The following WDR27 variants were observed in gnomAD, a reference collection of about 807,000 sequenced individuals.
The protein encoded by WDR27 is WD repeat-containing protein 27.
WDR27 carries 100 observed loss-of-function variants against 114.4 expected under a neutral mutation model. That is an observed-to-expected ratio of 0.87 (90% CI 0.74 to 1.03). The LOEUF is 1.03. Among genes scored for constraint, WDR27 ranks in the 50% least tolerant of loss-of-function variants. The pLI, the probability that WDR27 is intolerant of heterozygous loss-of-function variation, is 0.00. For missense variants in WDR27, 1,129 were observed against 1,092.9 expected (o/e 1.03, Z -0.47); for synonymous variants, 449 against 423.1 (o/e 1.06, Z -0.75).
At position 169,586,247 on chromosome 6, in the gene WDR27, T is replaced by A. The variant is rs556835018; in HGVS notation, c.2425-3313A>T. On this transcript the variant is annotated intron_variant, in intron 23 of 25. Transcript: ENST00000448612. Reference sequence around the variant, plus strand: ...TTTCCTTGATTGGCCCTGTCATAAATCCCGTGAGGTCATGCACAACTCTGG... The same window carrying A: ...TTTCCTTGATTGGCCCTGTCATAAAACCCGTGAGGTCATGCACAACTCTGG... Among the ~76,000 whole-genome samples the A allele has an allele frequency of 5.3e-5, 8 of 152,310 alleles. No homozygotes were observed. The South Asian group carries it at 1.7e-3, about 32-fold the overall frequency.
intron 23 of WDR27, among the ~76,000 whole-genome samples, chr6:169,590,915 G>A (rs1805635169): frequency 6.6e-6 from 1 of 152,170 alleles, no homozygotes; most frequent in South Asian, 2.1e-4. Flanking sequence ...CTTCCACACT[G>A]TGGATACTGT....
chr6:169,639,062 A>G (rs1188750698), intron 17 of WDR27, among the ~76,000 whole-genome samples: 554 of 96,554 alleles, frequency 5.7e-3, no homozygotes, highest in Middle Eastern at 0.027. Flanking sequence ...GTGTGGTGCT[A>G]GGGTTTGGGG....
At chr6:169,564,447 C>T (rs193160693) in intron 25 of WDR27, among the ~76,000 whole-genome samples, 25 of 152,322 alleles carry the variant, frequency 1.6e-4, no homozygotes, top group Admixed American at 6.5e-4. Context: ...CAAGTTGGCA[C>T]GTGGTATTCA....
At chr6:169,632,318 A>T (rs922324509) in intron 21 of WDR27, among the ~76,000 whole-genome samples, 1 of 152,202 alleles carries the variant, frequency 6.6e-6, no homozygotes, top group African/African-American at 2.4e-5. Context: ...TGCCAGATGC[A>T]TCGTAAGTTA....
chr6:169,581,511 T>C (rs1803418809), intron 24 of WDR27, among the ~76,000 whole-genome samples: 2 of 152,184 alleles, frequency 1.3e-5, no homozygotes, highest in Non-Finnish European at 1.5e-5. Context: ...TCCGTTACAG[T>C]GTATATGGCA....
rs1260401741 is a variant in WDR27, at chr6:169,638,340, A to AAAAAAG, written c.1869+198_1869+199insCTTTTT. On this transcript the variant is annotated intron_variant, in intron 18 of 25. Coordinates refer to ENST00000448612, the MANE Select transcript of WDR27 (RefSeq NM_182552.5). The stretch of plus-strand genomic sequence containing the variant: ...TCCGTCTCAAAAAAAAAAAAAAAAA[A>AAAAAAG]AAAAAAAAAAAGAAACTAATCAATA... Among the ~76,000 whole-genome samples, 6,749 of 140,072 alleles carry AAAAAAG rather than the reference A, an allele frequency of 0.048. 1,511 individuals carry two copies. The East Asian group carries it at 0.56, about 12-fold the overall frequency. The allele number at this position is 140,072 out of a possible 152,430, so 91.9% of individuals were successfully genotyped here.
In WDR27 at chr6:169,684,668, C is replaced by T. The variant is rs192291917; in HGVS notation, c.189+4149G>A. ...GACTGAGAAGCAGTCCTGTGGGTTT[C>T]CCCCAGCAGATATGCTCTCAGACAA... On this transcript the variant is annotated intron_variant, in intron 2 of 25. Transcript: ENST00000448612. This position sits in a 1 kb window ranked among gnomAD's most constrained non-coding sequence, Gnocchi z 4.3. Among the ~76,000 whole-genome samples, 15 of 152,298 alleles carry T rather than the reference C, an allele frequency of 9.8e-5. No homozygotes were observed. Among genetic ancestry groups the T allele is most frequent in the Admixed American group, 9.8e-4 (15 of 15,302 alleles).
At chr6:169,444,207 C>G in the WDR27 span, among the ~76,000 whole-genome samples, 1 of 152,200 alleles carries the variant, frequency 6.6e-6, no homozygotes, top group Admixed American at 6.5e-5. Context: ...AACTTACGCG[C>G]TCCTGGCCTG....
chr6:169,488,548 T>C (rs1287620769), intron 25 of WDR27, among the ~76,000 whole-genome samples: 6 of 152,262 alleles, frequency 3.9e-5, no homozygotes, highest in Non-Finnish European at 8.8e-5. Context: ...CGTGTCTTCA[T>C]ATGCACAGTG....
At chr6:169,431,773 G>C in the WDR27 span, among the ~76,000 whole-genome samples, 3 of 152,190 alleles carry the variant, frequency 2.0e-5, no homozygotes, top group Non-Finnish European at 4.4e-5. Flanking sequence ...TGGGACTCCA[G>C]CATGTTCAAA....
intron 15 of WDR27, 48 bp downstream of exon 15, chr6:169,649,150 G>T: frequency 6.8e-7 from 1 of 1,478,980 alleles, no homozygotes; most frequent in Non-Finnish European, 9.3e-7. Flanking sequence ...GTGTTGGAAA[G>T]GTCTAGGTTA....
chr6:169,518,742 C>A lies in WDR27; in HGVS notation c.2645+53677G>T, dbSNP rs187221873. On this transcript the variant is annotated intron_variant, in intron 25 of 25. Coordinates refer to ENST00000448612, the MANE Select transcript of WDR27 (RefSeq NM_182552.5). ...TCTCTAGGAAGTGGTTGCTCAGCAA[C>A]CTGCTTGAATTCCTCCCCTGAAAAT... Among the ~76,000 whole-genome samples the A allele has an allele frequency of 7.9e-4, 120 of 152,352 alleles. 1 individual carries two copies. Among genetic ancestry groups the A allele is most frequent in the African/African-American group, 2.9e-3 (119 of 41,588 alleles).
chr6:169,622,630 TAA>T (rs1813646516), intron 21 of WDR27, among the ~76,000 whole-genome samples: 1 of 152,350 alleles, frequency 6.6e-6, no homozygotes, highest in South Asian at 2.1e-4. Context: ...AAGTTTAACA[TAA>T]AATCTATTAT....
intron 22 of WDR27, among the ~76,000 whole-genome samples, chr6:169,606,030 T>A (rs1809096985): frequency 6.6e-6 from 1 of 151,882 alleles, no homozygotes; most frequent in Admixed American, 6.6e-5. Flanking sequence ...AAAAAACACT[T>A]CCAGACATTG....
chr6:169,592,835 G>A (rs1467092751), intron 23 of WDR27, among the ~76,000 whole-genome samples: 2 of 152,140 alleles, frequency 1.3e-5, no homozygotes, highest in African/African-American at 4.8e-5. Flanking sequence ...TTTGAAAGAG[G>A]CATTCATGGA....
chr6:169,651,824 T>C (rs796212097), intron 14 of WDR27, 106 bp downstream of exon 14: 1 of 982,152 alleles, frequency 1.0e-6, no homozygotes, highest in Admixed American at 2.2e-5. Flanking sequence ...ATGTCCTCTC[T>C]CCATACTGTG....
At chr6:169,564,855 C>CACGT (rs959121126) in intron 25 of WDR27, among the ~76,000 whole-genome samples, 4 of 30,418 alleles carry the variant, frequency 1.3e-4, no homozygotes, top group African/African-American at 1.9e-4. Flanking sequence ...GGTAACCAAA[C>CACGT]GCGTGAGTGA....
At chr6:169,545,835 T>C (rs1797394003) in intron 25 of WDR27, among the ~76,000 whole-genome samples, 3 of 152,110 alleles carry the variant, frequency 2.0e-5, no homozygotes, top group Non-Finnish European at 2.9e-5. Context: ...CACATACATA[T>C]AAATTTTATG....
intron 25 of WDR27, among the ~76,000 whole-genome samples, chr6:169,470,324 T>G (rs763841650): frequency 2.0e-5 from 3 of 152,238 alleles, no homozygotes; most frequent in Non-Finnish European, 4.4e-5. Context: ...CACTATTGTC[T>G]GCATCTGCAG....
Sources: allele counts gnomAD v4.1 joint callset (sites outside exome capture counted in the v4.1 genomes callset), GRCh38; gene constraint gnomAD v4.1.1; non-coding constraint Gnocchi (gnomAD v3.1); transcripts MANE v1.5; gene names NCBI Gene and HGNC (gene_info 2026-07-23, HGNC 2026-07-21).